The following MAML2 variants were observed in gnomAD, a reference collection of about 807,000 sequenced individuals.
MAML2 encodes mastermind-like protein 2.
A neutral mutation model predicts 96.1 loss-of-function variants in MAML2; 22 were observed. The observed-to-expected ratio is 0.23, with a 90% CI of 0.16 to 0.33. MAML2 has a LOEUF of 0.33. Ranked by LOEUF, MAML2 falls within the 10% of genes least tolerant of loss-of-function variation. The pLI is 1.00. For synonymous variants in MAML2, 561 were observed against 521.3 expected (o/e 1.08, Z -1.04); for missense variants, 1,367 against 1,392.4 (o/e 0.98, Z 0.29).
chr11:96,209,790 T>C (rs1416448278), intron 1 of MAML2, among the ~76,000 whole-genome samples: 1 of 152,230 alleles, frequency 6.6e-6, no homozygotes, highest in Non-Finnish European at 1.5e-5. Flanking sequence ...GATTATTTTG[T>C]AAATTACCCT....
At chr11:96,032,792 G>A (rs1858639360) in intron 2 of MAML2, among the ~76,000 whole-genome samples, 1 of 152,100 alleles carries the variant, frequency 6.6e-6, no homozygotes, top group Admixed American at 6.6e-5. Context: ...GAAGCCAGTG[G>A]CAAAAGGGTA....
intron 2 of MAML2, among the ~76,000 whole-genome samples, chr11:96,009,582 A>G (rs1260226170): frequency 6.6e-6 from 1 of 152,234 alleles, no homozygotes; most frequent in Non-Finnish European, 1.5e-5. Flanking sequence ...TAACATTAGT[A>G]GAACCAACTG....
intron 2 of MAML2, among the ~76,000 whole-genome samples, chr11:96,015,983 T>C (rs1431202820): frequency 6.6e-6 from 1 of 152,092 alleles, no homozygotes; most frequent in African/African-American, 2.4e-5. Context: ...TTAGAGATAA[T>C]ACATGCATGG....
At position 96,310,288 on chromosome 11, in the gene MAML2, C is replaced by T. The variant is rs560679266; in HGVS notation, c.513+31095G>A. On this transcript the variant is annotated intron_variant, in intron 1 of 4. Transcript: ENST00000524717. ...ATCAGTATATGGAAAGTCAGAGCAA[C>T]ATAAAACGTTAAAAATTTTGAAACA... Among the ~76,000 whole-genome samples, 12 of 151,960 alleles carry T rather than the reference C, an allele frequency of 7.9e-5. No homozygotes were observed. In the South Asian group the frequency reaches 1.0e-3, roughly 13 times the overall value.
At chr11:96,017,956 G>A (rs1189835826) in intron 2 of MAML2, among the ~76,000 whole-genome samples, 2 of 152,188 alleles carry the variant, frequency 1.3e-5, no homozygotes, top group Admixed American at 6.5e-5. Context: ...CATGATATAT[G>A]TTTTAAAGAT....
intron 2 of MAML2, among the ~76,000 whole-genome samples, chr11:96,091,388 C>T (rs368351980): frequency 1.3e-5 from 2 of 152,252 alleles, no homozygotes; most frequent in East Asian, 3.9e-4. Context: ...ACATGCATCA[C>T]AGGGAGTCAT....
intron 1 of MAML2, among the ~76,000 whole-genome samples, chr11:96,295,414 C>T (rs568845755): frequency 5.8e-4 from 88 of 152,242 alleles, no homozygotes; most frequent in African/African-American, 1.9e-3. Flanking sequence ...ACTTCTTACA[C>T]GCCTAAATGA....
At chr11:96,237,464 T>C (rs1316489102) in intron 1 of MAML2, among the ~76,000 whole-genome samples, 1 of 152,254 alleles carries the variant, frequency 6.6e-6, no homozygotes, top group Non-Finnish European at 1.5e-5. Context: ...ATTTCATTTC[T>C]TCTTTATAAT....
At chr11:96,097,141 C>A (rs1859845042) in intron 1 of MAML2, among the ~76,000 whole-genome samples, 1 of 152,188 alleles carries the variant, frequency 6.6e-6, no homozygotes, top group South Asian at 2.1e-4. Flanking sequence ...AAAATTCTTT[C>A]ATTAGATACA....
At chr11:96,157,441 T>A (rs1861027618) in intron 1 of MAML2, among the ~76,000 whole-genome samples, 1 of 152,250 alleles carries the variant, frequency 6.6e-6, no homozygotes, top group South Asian at 2.1e-4. Flanking sequence ...AGGAGAATAA[T>A]TTTCATTATG....
chr11:96,341,944 G>C lies in MAML2; in HGVS notation c.-49C>G. 1 of 1,451,954 alleles carries C rather than the reference G, an allele frequency of 6.9e-7. No homozygotes were observed. The highest frequency in any genetic ancestry group is 9.0e-7 in the Non-Finnish European group (1 of 1,106,036). 89.9% of individuals were successfully genotyped at this position (1,451,954 alleles called of 1,614,324 possible). Reference sequence around the variant, plus strand: ...CCTCTGGGATGGTGAGGTGGAAAGAGGCTACTGCTGGCTATTGCAGGCAAG... The same window carrying C: ...CCTCTGGGATGGTGAGGTGGAAAGACGCTACTGCTGGCTATTGCAGGCAAG... On this transcript the variant is annotated 5_prime_UTR_variant, in exon 1 of 5. Transcript: ENST00000524717.
intron 1 of MAML2, among the ~76,000 whole-genome samples, chr11:96,247,215 A>C: frequency 6.6e-6 from 1 of 152,116 alleles, no homozygotes; most frequent in East Asian, 1.9e-4. Flanking sequence ...ACCATGCAAA[A>C]AAAAAATAAG....
At chr11:96,332,962 G>A (rs372178020) in intron 1 of MAML2, among the ~76,000 whole-genome samples, 1 of 152,158 alleles carries the variant, frequency 6.6e-6, no homozygotes, top group African/African-American at 2.4e-5. Context: ...CTCCCGGTAA[G>A]TTATTAGAGG....
rs376867151 is a variant in MAML2 at position 95,993,030 on chromosome 11, C to T, written c.2140-1307G>A. On this transcript the variant is annotated intron_variant, in intron 2 of 4. Coordinates refer to ENST00000524717, the MANE Select transcript of MAML2 (RefSeq NM_032427.4). ...TAAAGTGCCTGGGACCACAGGCGTG[C>T]GCCACCTGGCTAATTTTTAAATTTT... 1.1e-4 allele frequency among the ~76,000 whole-genome samples: 16 copies of T among 152,062 alleles called. No individual in the cohort carries two copies. In the South Asian group the frequency reaches 1.5e-3, roughly 14 times the overall value.
intron 1 of MAML2, among the ~76,000 whole-genome samples, chr11:96,144,103 A>C (rs544232024): frequency 3.2e-4 from 48 of 152,330 alleles, no homozygotes; most frequent in Middle Eastern, 3.4e-3. Flanking sequence ...TATGACATAA[A>C]GAAATGAGCT....
rs1343567552 is a variant in MAML2 at position 96,093,110 on chromosome 11, C to T, written c.921G>A (p.Gln307=). 1.2e-6 allele frequency: 2 copies of T among 1,613,868 alleles called. No individual in the cohort carries two copies. Among genetic ancestry groups the T allele is most frequent in the Non-Finnish European group, 1.7e-6 (2 of 1,179,892 alleles). Reference sequence around the variant, plus strand: ...TGTTGGTCAGTTCATTGAACAGTTCCTGCAGCTCAGGATCCATCAGTTGTT... The same window carrying T: ...TGTTGGTCAGTTCATTGAACAGTTCTTGCAGCTCAGGATCCATCAGTTGTT... ...PGEQLMDPEL[Q]ELFNELTNIS... is the part of the protein sequence containing the mutation. The change falls in exon 2 of 5, where the codon CAG becomes CAA. Residue 307 remains glutamine (Q), a synonymous_variant. Transcript: ENST00000524717.
Position 96,284,962 on chromosome 11 carries a change from G to A in MAML2, c.513+56421C>T, listed in dbSNP as rs75494414. Among the ~76,000 whole-genome samples, 269 of 152,120 alleles carry A rather than the reference G, an allele frequency of 1.8e-3. 2 individuals carry two copies. The East Asian group carries it at 0.037, about 21-fold the overall frequency. The stretch of plus-strand genomic sequence containing the variant: ...TCATCATTGATTGTTGAATTGTGCC[G>A]TATATGGCTGGATGGAGTTGTGCAG... On this transcript the variant is annotated intron_variant, in intron 1 of 4. Coordinates refer to ENST00000524717, the MANE Select transcript of MAML2 (RefSeq NM_032427.4).
chr11:96,052,567 AC>A (rs141418593), intron 2 of MAML2, among the ~76,000 whole-genome samples: 5,356 of 152,232 alleles, frequency 0.035, 311 homozygotes, highest in African/African-American at 0.12. Context: ...AGTTCCAAAC[AC>A]TTCTCAGGAG....
chr11:96,224,183 T>C (rs1254008366), intron 1 of MAML2, among the ~76,000 whole-genome samples: 1 of 152,186 alleles, frequency 6.6e-6, no homozygotes, highest in Non-Finnish European at 1.5e-5. Context: ...AGAAAATACA[T>C]GTAAATTACT....
Sources: allele counts gnomAD v4.1 joint callset (sites outside exome capture counted in the v4.1 genomes callset), GRCh38; gene constraint gnomAD v4.1.1; transcripts MANE v1.5; gene names NCBI Gene and HGNC (gene_info 2026-07-23, HGNC 2026-07-21).